Variants in CYRIB observed in about 807,000 individuals in gnomAD.
CYRIB encodes the protein CYFIP-related Rac1 interactor B.
Under a neutral mutation model 44.2 loss-of-function variants are expected in CYRIB, and 8 were observed. The ratio of observed to expected loss-of-function variants is 0.18; its 90% CI spans 0.11 to 0.33. CYRIB has a LOEUF of 0.33. CYRIB is among the 10% of genes least tolerant of loss of function. The pLI is 1.00. For synonymous variants in CYRIB, 131 were observed against 127.2 expected (o/e 1.03, Z -0.20); for missense variants, 185 against 382.8 (o/e 0.48, Z 4.31).
At chr8:129,870,442 C>A (rs980957584) in intron 4 of CYRIB, among the ~76,000 whole-genome samples, 1 of 152,234 alleles carries the variant, frequency 6.6e-6, no homozygotes, top group Non-Finnish European at 1.5e-5. Context: ...TCATTTAACT[C>A]TCTCTCTTCC....
chr8:129,846,543 G>A (rs2040141342), intron 11 of CYRIB, among the ~76,000 whole-genome samples: 1 of 152,162 alleles, frequency 6.6e-6, no homozygotes, highest in African/African-American at 2.4e-5. Flanking sequence ...TCTGTTTGAA[G>A]AGAAGCAACA....
At chr8:129,977,578 C>T (rs985919519) in intron 1 of CYRIB, among the ~76,000 whole-genome samples, 1 of 151,854 alleles carries the variant, frequency 6.6e-6, no homozygotes, top group Non-Finnish European at 1.5e-5. Context: ...GTCACCCAGG[C>T]TGGAGTGCAG....
chr8:129,962,344 G>GAGGC (rs1477348996), intron 2 of CYRIB, among the ~76,000 whole-genome samples: 2 of 152,104 alleles, frequency 1.3e-5, no homozygotes, highest in Non-Finnish European at 2.9e-5. Flanking sequence ...ACTCAGGAGG[G>GAGGC]AGGCAGGATG....
At chr8:129,863,011 A>C (rs939277258) in intron 4 of CYRIB, among the ~76,000 whole-genome samples, 4 of 152,164 alleles carry the variant, frequency 2.6e-5, no homozygotes, top group African/African-American at 9.6e-5. Context: ...CAGATCCACA[A>C]AAAAAAATAT....
At chr8:129,847,107 G>A in intron 10 of CYRIB, 1 of 374,486 alleles carries the variant, frequency 2.7e-6, no homozygotes. Flanking sequence ...TACCACACAT[G>A]CAATGAAAAA....
chr8:129,996,416 C>A (rs1443861292), intron 1 of CYRIB, among the ~76,000 whole-genome samples: 1 of 152,136 alleles, frequency 6.6e-6, no homozygotes, highest in African/African-American at 2.4e-5. Flanking sequence ...TCCTCTGAGC[C>A]TAGTACAGTG....
At chr8:129,912,846 C>T (rs1171727394) in intron 1 of CYRIB, among the ~76,000 whole-genome samples, 5 of 151,884 alleles carry the variant, frequency 3.3e-5, no homozygotes, top group East Asian at 3.9e-4. Context: ...GTCATGTTTA[C>T]GGTGACAGAA....
intron 2 of CYRIB, among the ~76,000 whole-genome samples, chr8:129,946,530 T>G (rs1415741249): frequency 6.6e-6 from 1 of 151,970 alleles, no homozygotes; most frequent in Admixed American, 6.6e-5. Context: ...GGCCTGAGAA[T>G]CCCCTGGGAA....
Position 129,855,758 on chromosome 8 carries a change from A to G in CYRIB, c.302-11T>C. On this transcript the variant is annotated splice_polypyrimidine_tract_variant and intron_variant, in intron 5 of 11. Transcript: ENST00000519824. ...CTCTTAATGCTGCTTCTAAAGAAAA[A>G]AATTGAAAAAAACATTAAGTTGTTT... is the stretch of plus-strand genomic sequence containing the variant. The G allele has an allele frequency of 6.3e-7, 1 of 1,588,662 alleles. No individual in the cohort carries two copies. The highest frequency in any genetic ancestry group is 8.6e-7 in the Non-Finnish European group (1 of 1,168,738).
chr8:129,981,898 A>G (rs2132719156), intron 1 of CYRIB, among the ~76,000 whole-genome samples: 1 of 152,272 alleles, frequency 6.6e-6, no homozygotes, highest in South Asian at 2.1e-4. Context: ...CCTCTCTCAG[A>G]GCACTCCTCA....
At chr8:129,916,826 A>T (rs567548413) in intron 1 of CYRIB, among the ~76,000 whole-genome samples, 75 of 152,358 alleles carry the variant, frequency 4.9e-4, no homozygotes, top group African/African-American at 1.8e-3. Flanking sequence ...GCAGTGCTTA[A>T]GTATTTTACA....
chr8:130,000,249 A>G (rs1356126380), intron 1 of CYRIB, among the ~76,000 whole-genome samples: 1 of 152,234 alleles, frequency 6.6e-6, no homozygotes, highest in East Asian at 1.9e-4. Flanking sequence ...GACGGGGAAG[A>G]CAATGAGCAA....
At chr8:129,889,669 G>C (rs1020394277) in intron 2 of CYRIB, among the ~76,000 whole-genome samples, 4 of 152,158 alleles carry the variant, frequency 2.6e-5, no homozygotes, top group Non-Finnish European at 5.9e-5. Flanking sequence ...GAAATACCAA[G>C]AGAACTAGAG....
At chr8:129,919,058 G>A (rs1289645686) in intron 1 of CYRIB, among the ~76,000 whole-genome samples, 1 of 152,108 alleles carries the variant, frequency 6.6e-6, no homozygotes, top group African/African-American at 2.4e-5. Context: ...TTAAGAGATG[G>A]GTTTTTGCCA....
chr8:129,923,106 G>T (rs1200403512), intron 1 of CYRIB, among the ~76,000 whole-genome samples: 1 of 148,888 alleles, frequency 6.7e-6, no homozygotes, highest in Non-Finnish European at 1.5e-5. Flanking sequence ...AGCCAGGCAT[G>T]GTGGCACATG....
chr8:129,867,330 A>T (rs1325524830), intron 4 of CYRIB, among the ~76,000 whole-genome samples: 1 of 148,916 alleles, frequency 6.7e-6, no homozygotes, highest in Non-Finnish European at 1.5e-5. Context: ...TTACTATGTT[A>T]ATCAGGCTGG....
chr8:129,926,817 A>G (rs2088047589), intron 1 of CYRIB, among the ~76,000 whole-genome samples: 1 of 152,240 alleles, frequency 6.6e-6, no homozygotes, highest in Non-Finnish European at 1.5e-5. Context: ...ATTCTGTATC[A>G]CTACACATAT....
At chr8:129,996,011 A>G (rs1037728786) in intron 1 of CYRIB, among the ~76,000 whole-genome samples, 3 of 152,218 alleles carry the variant, frequency 2.0e-5, no homozygotes, top group Admixed American at 2.0e-4. Flanking sequence ...GGAAACTGGG[A>G]AATGAACCCT....
chr8:129,849,138 T>G, intron 10 of CYRIB, 105 bp downstream of exon 12: 1 of 1,072,776 alleles, frequency 9.3e-7, no homozygotes, highest in Non-Finnish European at 1.3e-6. Flanking sequence ...ACTATAAATC[T>G]GAGTTTTGTG....
Sources: gnomAD v4.1 joint callset for allele counts (sites outside exome capture counted in the v4.1 genomes callset) on GRCh38, gnomAD v4.1.1 for gene constraint, MANE v1.5 for transcripts, NCBI Gene and HGNC (gene_info 2026-07-23, HGNC 2026-07-21) for gene names.